APOOL: variants seen among roughly 807,000 people sequenced by gnomAD.
APOOL encodes apolipoprotein O like.
In APOOL, 12 loss-of-function variants were observed where a neutral mutation model predicts 23.1. That is an observed-to-expected ratio of 0.52 (90% CI 0.33 to 0.84). The LOEUF is 0.84. APOOL is among the 40% of genes least tolerant of loss of function. The probability of loss-of-function intolerance (pLI) is 0.02; values close to 1 mark genes in which losing one functional copy is unlikely to be tolerated. For synonymous variants in APOOL, 77 were observed against 69.9 expected, an observed-to-expected ratio of 1.10 and a Z score of -0.51; for missense variants, 212 against 199.6, an observed-to-expected ratio of 1.06 and a Z score of -0.37.
rs1453242622 is a variant in APOOL at position 85,003,887 on chromosome X, A to G, written c.-26A>G. ...TTGTCCCTCTCTGCTCTCCGTCTGA[A>G]AACCTTGGCCGAAAGGGTTGTAGAC... is the stretch of plus-strand genomic sequence containing the variant. On this transcript the variant is annotated 5_prime_UTR_variant, in exon 1 of 9. Coordinates refer to ENST00000373173, the MANE Select transcript of APOOL (RefSeq NM_198450.6). 8.3e-7 allele frequency: 1 copy of G among 1,211,175 alleles called. No individual in the cohort carries two copies. Among genetic ancestry groups the G allele is most frequent in the Non-Finnish European group, 1.1e-6 (1 of 895,130 alleles).
At position 85,088,185 on chromosome X, in the gene APOOL, C is replaced by CATACATATTTATACATATATATGTATAA. The variant is rs1924418404; in HGVS notation, c.*515_*542dup. The CATACATATTTATACATATATATGTATAA allele has an allele frequency of 4.2e-5, 1 of 23,763 alleles. No homozygotes were observed. Among genetic ancestry groups the CATACATATTTATACATATATATGTATAA allele is most frequent in the Non-Finnish European group, 8.2e-5 (1 of 12,214 alleles). The allele number at this position is 23,763 out of a possible 1,213,427, so 2.0% of individuals were successfully genotyped here. A position where few individuals can be genotyped will look rare whatever the true frequency, so the allele number is the denominator to read the frequency against. On this transcript the variant is annotated 3_prime_UTR_variant, in exon 9 of 9. Coordinates refer to ENST00000373173, the MANE Select transcript of APOOL (RefSeq NM_198450.6). The stretch of plus-strand genomic sequence containing the variant: ...ATATTTATACATATATGTATAAATA[C>CATACATATTTATACATATATATGTATAA]ATACATATTTATACATATATATGTA...
At chrX:85,076,583 T>G (rs1324965666) in intron 8 of APOOL, among the ~76,000 whole-genome samples, 1 of 110,915 alleles carries the variant, frequency 9.0e-6, no homozygotes, top group African/African-American at 3.3e-5. Context: ...TCAGTGGATA[T>G]TAAAATATAT....
At chrX:85,038,528 T>TTTTG (rs1351639450) in intron 1 of APOOL, among the ~76,000 whole-genome samples, 1 of 15,835 alleles carries the variant, frequency 6.3e-5, no homozygotes, top group African/African-American at 2.2e-4. Flanking sequence ...GTACAAGTTT[T>TTTTG]TTTTTTTTTT....
chrX:85,016,630 G>A (rs1015950928), intron 1 of APOOL, among the ~76,000 whole-genome samples: 1 of 86,063 alleles, frequency 1.2e-5, no homozygotes, highest in African/African-American at 4.0e-5. Context: ...GTTCCTGTTG[G>A]GGAAGCCCCT....
intron 5 of APOOL, among the ~76,000 whole-genome samples, chrX:85,061,059 A>G (rs997568933): frequency 4.5e-5 from 5 of 111,410 alleles, no homozygotes; most frequent in Non-Finnish European, 9.4e-5. Context: ...CGTCCCATCA[A>G]TACCTAATTT....
intron 1 of APOOL, among the ~76,000 whole-genome samples, chrX:85,026,331 C>T (rs2147480067): frequency 8.9e-6 from 1 of 112,978 alleles, no homozygotes; most frequent in South Asian, 3.6e-4. Context: ...TTCTCCTGGG[C>T]CCCTGGGCCT....
chrX:85,055,008 T>C (rs759470008), intron 4 of APOOL, among the ~76,000 whole-genome samples: 1 of 111,947 alleles, frequency 8.9e-6, no homozygotes, highest in African/African-American at 3.2e-5. Flanking sequence ...GCAACAGATA[T>C]AGCTTTGTAA....
At chrX:85,054,020 CTTT>C (rs1471228892) in intron 3 of APOOL, among the ~76,000 whole-genome samples, 1 of 111,310 alleles carries the variant, frequency 9.0e-6, no homozygotes, top group East Asian at 2.8e-4. Context: ...CTCCCTTCTT[CTTT>C]ATTTAAATTC....
Position 85,040,896 on chromosome X carries a change from T to C in APOOL, c.16-5550T>C, listed in dbSNP as rs779325929. 2.7e-5 allele frequency among the ~76,000 whole-genome samples: 3 copies of C among 112,170 alleles called. No individual in the cohort carries two copies. The East Asian group carries it at 8.4e-4, about 31-fold the overall frequency. On this transcript the variant is annotated intron_variant, in intron 1 of 8. Transcript: ENST00000373173. Reference sequence around the variant, plus strand: ...CTTTTGTCTTTCATTTCCACCACTTTAGTCTGGTTGAGTACCATTGCTGTG... The same window carrying C: ...CTTTTGTCTTTCATTTCCACCACTTCAGTCTGGTTGAGTACCATTGCTGTG...
chrX:85,056,183 C>A (rs758865879), intron 5 of APOOL, among the ~76,000 whole-genome samples: 2 of 111,225 alleles, frequency 1.8e-5, no homozygotes, highest in African/African-American at 6.5e-5. Context: ...CCATGTCAGT[C>A]CCAACAACAT....
chrX:85,010,194 C>T (rs988153900), intron 1 of APOOL, among the ~76,000 whole-genome samples: 6 of 111,662 alleles, frequency 5.4e-5, no homozygotes, highest in Admixed American at 3.8e-4. Context: ...CATTTACCGT[C>T]GTCAATGTTT....
chrX:85,074,221 A>G (rs1923768367), intron 7 of APOOL, 53 bp from the exon 8 acceptor site: 1 of 1,194,979 alleles, frequency 8.4e-7, no homozygotes, highest in African/African-American at 1.8e-5. Flanking sequence ...AAAGTAGATG[A>G]AGGAAATAGT....
chrX:85,005,042 A>T (rs1921009949), intron 1 of APOOL, among the ~76,000 whole-genome samples: 1 of 111,184 alleles, frequency 9.0e-6, no homozygotes, highest in Non-Finnish European at 1.9e-5. Context: ...TTTATAGTTC[A>T]TTCATTCATT....
chrX:85,037,706 A>G (rs1474844261), intron 1 of APOOL, among the ~76,000 whole-genome samples: 1 of 111,561 alleles, frequency 9.0e-6, no homozygotes, highest in Non-Finnish European at 1.9e-5. Context: ...TCGACAAAGC[A>G]TACAAAAACA....
Position 85,067,198 on chromosome X carries a change from C to G in APOOL, c.466C>G (p.Gln156Glu). 7.0e-6 allele frequency: 8 copies of G among 1,150,018 alleles called. No individual in the cohort carries two copies. Among genetic ancestry groups the G allele is most frequent in the Non-Finnish European group, 8.1e-6 (7 of 859,838 alleles). The allele number at this position is 1,150,018 out of a possible 1,213,427, so 94.8% of individuals were successfully genotyped here. The change falls in exon 6 of 9, where the codon CAG becomes GAG. Residue 156 changes from glutamine (Q) to glutamate (E), a missense_variant. Physicochemically the swap from Gln to Glu is conservative, Grantham distance 29. Coordinates refer to ENST00000373173, the MANE Select transcript of APOOL (RefSeq NM_198450.6). ...AGGAGCAACTGTTTGCTACCCAGTT[C>G]AGTCCGTAATAATTGCTAAGGTAAG... is the stretch of plus-strand genomic sequence containing the variant. ...TLGATVCYPV[Q>E]SVIIAKVTAK...
chrX:85,078,892 G>T (rs769681425), intron 8 of APOOL, among the ~76,000 whole-genome samples: 21 of 111,457 alleles, frequency 1.9e-4, no homozygotes, highest in African/African-American at 6.8e-4. Flanking sequence ...CTCTCTGTTT[G>T]TCTGTTAATG....
At chrX:85,057,619 A>G (rs992631243) in intron 5 of APOOL, among the ~76,000 whole-genome samples, 2 of 106,851 alleles carry the variant, frequency 1.9e-5, no homozygotes, top group African/African-American at 6.8e-5. Flanking sequence ...TGATATACAT[A>G]TATCTCATCT....
At chrX:85,061,515 C>G (rs1468973301) in intron 5 of APOOL, among the ~76,000 whole-genome samples, 1 of 111,892 alleles carries the variant, frequency 8.9e-6, no homozygotes, top group African/African-American at 3.3e-5. Context: ...TGGTCCTGTA[C>G]TTTTTTTGGT....
chrX:85,022,107 T>C (rs751545152), intron 1 of APOOL, among the ~76,000 whole-genome samples: 2 of 112,343 alleles, frequency 1.8e-5, no homozygotes, highest in East Asian at 5.6e-4. Flanking sequence ...AAAAAGTCTG[T>C]CAAAGAAAAG....
Sources: gnomAD v4.1 joint callset for allele counts (sites outside exome capture counted in the v4.1 genomes callset) on GRCh38, gnomAD v4.1.1 for gene constraint, MANE v1.5 for transcripts, NCBI Gene and HGNC (gene_info 2026-07-23, HGNC 2026-07-21) for gene names.